The following PSG9 variants were observed in gnomAD, a reference collection of about 807,000 sequenced individuals.
PSG9 encodes pregnancy specific beta-1-glycoprotein 9.
In PSG9, 49 loss-of-function variants were observed where a neutral mutation model predicts 41.9. The ratio of observed to expected loss-of-function variants is 1.17; its 90% CI spans 0.93 to 1.48. PSG9 has a LOEUF of 1.48. Among genes scored for constraint, PSG9 ranks in the 40% most tolerant of loss-of-function variants. PSG9 has a pLI of 0.00. For missense variants in PSG9, 641 were observed against 520.3 expected (o/e 1.23, Z -2.26); for synonymous variants, 263 against 196.8 (o/e 1.34, Z -2.82).
rs772795774 is a variant in PSG9, at chr19:43,259,074, G to T, written c.771C>A (p.Val257=). Residue 257 remains valine (V), a synonymous_variant, in exon 4 of 6, where the codon GTC becomes GTA. Coordinates refer to ENST00000270077, the MANE Select transcript of PSG9 (RefSeq NM_002784.5). ...TCTTAGGTTCACAGGTGAAGGCTAAGACATCCTTATTCTCCCTGGGGTTTA... is the reference window on the plus strand; with the variant it reads ...TCTTAGGTTCACAGGTGAAGGCTAATACATCCTTATTCTCCCTGGGGTTTA... The part of the protein sequence containing the change: ...NNLNPRENKD[V]LAFTCEPKSE... 6.9e-6 allele frequency: 11 copies of T among 1,590,644 alleles called. 1 individual carries two copies. The highest frequency in any genetic ancestry group is 2.8e-5 in the African/African-American group (2 of 70,574).
chr19:43,265,382 G>A (rs1470429877), intron 2 of PSG9, among the ~76,000 whole-genome samples: 1 of 152,100 alleles, frequency 6.6e-6, no homozygotes, highest in Non-Finnish European at 1.5e-5. Context: ...TTGGTCTTTT[G>A]AGATGTTTCT....
intron 5 of PSG9, 188 bp downstream of exon 5, chr19:43,258,014 A>C (rs1063009): frequency 6.5e-7 from 1 of 1,534,346 alleles, no homozygotes; most frequent in Non-Finnish European, 8.7e-7. Context: ...GGTCAGCCAT[A>C]AGAAAACAGA....
chr19:43,258,160 C>T, intron 5 of PSG9, 42 bp downstream of exon 5: 1 of 1,592,120 alleles, frequency 6.3e-7, no homozygotes, highest in Non-Finnish European at 8.5e-7. Context: ...CAGATAGACT[C>T]CACATAAAAC....
chr19:43,258,205 A>G lies in PSG9; in HGVS notation c.1240T>C (p.Ser414Pro), dbSNP rs1358849637. The change falls in exon 5 of 6, where the codon TCT becomes CCT. Residue 414 changes from serine (S) to proline (P), a missense_variant. Ser to Pro is a moderately conservative substitution (Grantham distance 74, BLOSUM62 -1). Transcript: ENST00000270077. ...AAGGATGCTGGGATCCACTTACCAGAGACTTTGACTGTCATGGATTTGGAG... is the reference window on the plus strand; with the variant it reads ...AAGGATGCTGGGATCCACTTACCAGGGACTTTGACTGTCATGGATTTGGAG... ...EISKSMTVKV[S>P]GPCHGDLTES... 6.3e-7 allele frequency: 1 copy of G among 1,592,720 alleles called. No individual in the cohort carries two copies. The highest frequency in any genetic ancestry group is 8.5e-7 in the Non-Finnish European group (1 of 1,174,454).
At chr19:43,269,224 T>G (rs1969132066) in intron 1 of PSG9, 144 bp downstream of exon 1, 1 of 1,413,762 alleles carries the variant, frequency 7.1e-7, no homozygotes. Flanking sequence ...CGGACTGATC[T>G]TGAACTCCTG....
Position 43,267,821 on chromosome 19 carries a change from A to G in PSG9, c.393T>C (p.Thr131=). 1 of 1,613,414 alleles carries G rather than the reference A, an allele frequency of 6.2e-7. No individual in the cohort carries two copies. The highest frequency in any genetic ancestry group is 1.3e-5 in the African/African-American group (1 of 74,996). ...AGGTGAAATGTCGAATTTCTTCTCT[A>G]GTCTCATCACCTCGCTTTATGATGT... The part of the protein sequence containing the change: ...TLHIIKRGDE[T]REEIRHFTFT... The change falls in exon 2 of 6, where the codon ACT becomes ACC. Residue 131 remains threonine, a synonymous_variant. Coordinates refer to ENST00000270077, the MANE Select transcript of PSG9 (RefSeq NM_002784.5).
In PSG9 at chr19:43,262,074, C is replaced by A; in HGVS notation, c.495G>T (p.Val165=). 8 of 1,613,968 alleles carry A rather than the reference C, an allele frequency of 5.0e-6. No individual in the cohort carries two copies. Among genetic ancestry groups the A allele is most frequent in the Non-Finnish European group, 6.8e-6 (8 of 1,179,880 alleles). Residue 165 remains valine, a synonymous_variant, in exon 3 of 6, where the codon GTG becomes GTT. Coordinates refer to ENST00000270077, the MANE Select transcript of PSG9 (RefSeq NM_002784.5). The part of the protein sequence containing the change: ...NLNPREAMEA[V]RLICDPETLD... ...GAGTCTCAGGATCACAGATTAAGCG[C>A]ACAGCCTCCATGGCCTCCCTGGGGT...
In PSG9 at chr19:43,258,188, T is replaced by A. The variant is rs376881305; in HGVS notation, c.1243+14A>T. The A allele has an allele frequency of 9.2e-5, 146 of 1,592,636 alleles. 31 individuals are homozygous for A. In the East Asian group the frequency reaches 1.9e-3, roughly 20 times the overall value. On this transcript the variant is annotated intron_variant, in intron 5 of 5. Transcript: ENST00000270077. Reference sequence around the variant, plus strand: ...CATAAAACCCTACTGCCAAGGATGCTGGGATCCACTTACCAGAGACTTTGA... The same window carrying A: ...CATAAAACCCTACTGCCAAGGATGCAGGGATCCACTTACCAGAGACTTTGA...
rs943817786 is a variant in PSG9, at chr19:43,256,979, C to G, written c.1243+1223G>C. On this transcript the variant is annotated intron_variant, in intron 5 of 5. Coordinates refer to ENST00000270077, the MANE Select transcript of PSG9 (RefSeq NM_002784.5). ...GTCCATTGAAAGATAAGTGGGTAGG[C>G]AAATGAGGTGTATCTATACATTGAA... 6.8e-5 allele frequency among the ~76,000 whole-genome samples: 10 copies of G among 146,626 alleles called. 1 individual carries two copies. The highest frequency in any genetic ancestry group is 2.3e-4 in the African/African-American group (9 of 38,616).
At chr19:43,265,638 G>A (rs536659578) in intron 2 of PSG9, among the ~76,000 whole-genome samples, 4 of 152,048 alleles carry the variant, frequency 2.6e-5, no homozygotes, top group Non-Finnish European at 5.9e-5. Flanking sequence ...ATAAACATCC[G>A]TCCTCCTGTT....
intron 1 of PSG9, 34 bp from the exon 2 acceptor site, chr19:43,268,183 G>A (rs536151238): frequency 6.4e-7 from 1 of 1,563,888 alleles, no homozygotes; most frequent in Admixed American, 1.9e-5. Flanking sequence ...TTAATATTGA[G>A]ACCTATGTAT....
chr19:43,258,278 G>A lies in PSG9; in HGVS notation c.1167C>T (p.Ser389=), dbSNP rs762496081. The change falls in exon 5 of 6, where the codon AGC becomes AGT. Residue 389 remains serine (S), a synonymous_variant. Transcript: ENST00000270077. ...LFIPQITRNH[S]GLYACSVHNS... ...TATGAACAGAGCAAGCATAGAGCCC[G>A]CTATGATTTCTAGTAATTTGGGGGA... 1.0e-5 allele frequency: 16 copies of A among 1,592,638 alleles called. 2 individuals carry two copies. In the African/African-American group the frequency reaches 1.6e-4, roughly 15 times the overall value.
chr19:43,267,387 G>A (rs1568420678), intron 2 of PSG9, among the ~76,000 whole-genome samples: 2 of 152,090 alleles, frequency 1.3e-5, no homozygotes, highest in Admixed American at 6.5e-5. Context: ...TAGGGACAGG[G>A]GTCTGGGGTT....
rs1262163639 is a variant in PSG9, at chr19:43,258,280, T to C, written c.1165A>G (p.Ser389Gly). 1.9e-6 allele frequency: 3 copies of C among 1,592,864 alleles called. 1 individual carries two copies. The highest frequency in any genetic ancestry group is 2.6e-6 in the Non-Finnish European group (3 of 1,174,480). ...LFIPQITRNH[S>G]GLYACSVHNS... is the part of the protein sequence containing the mutation. ...TGAACAGAGCAAGCATAGAGCCCGC[T>C]ATGATTTCTAGTAATTTGGGGGATA... is the stretch of plus-strand genomic sequence containing the variant. The change falls in exon 5 of 6, where the codon AGC becomes GGC. Residue 389 changes from serine (S) to glycine (G), a missense_variant. Physicochemically the swap from Ser to Gly is moderately conservative, Grantham distance 56. Transcript: ENST00000270077.
In PSG9 at chr19:43,259,150, G is replaced by A. The variant is rs1356610761; in HGVS notation, c.710-15C>T. 5 of 1,588,520 alleles carry A rather than the reference G, an allele frequency of 3.1e-6. No individual in the cohort carries two copies. The highest frequency in any genetic ancestry group is 4.3e-6 in the Non-Finnish European group (5 of 1,173,056). On this transcript the variant is annotated splice_polypyrimidine_tract_variant and intron_variant, in intron 3 of 5. Transcript: ENST00000270077. ...GGGCAGCTTCGCTGTGTGGATAACA[G>A]AGAGAAGATTGTCCTGTGTGGCACC...
intron 3 of PSG9, among the ~76,000 whole-genome samples, chr19:43,261,403 A>G (rs1270042983): frequency 6.6e-6 from 1 of 152,088 alleles, no homozygotes; most frequent in Non-Finnish European, 1.5e-5. Context: ...GAGATTGGGG[A>G]ATTCCCCTGT....
chr19:43,258,337 C>T lies in PSG9; in HGVS notation c.1108G>A (p.Gly370Arg), dbSNP rs1249064717. 1.3e-6 allele frequency: 2 copies of T among 1,592,850 alleles called. No homozygotes were observed. Among genetic ancestry groups the T allele is most frequent in the Non-Finnish European group, 1.7e-6 (2 of 1,174,576 alleles). Residue 370 changes from glycine (G) to arginine (R), a missense_variant, in exon 5 of 6, where the codon GGG becomes AGG. Gly to Arg is a moderately radical substitution (Grantham distance 125, BLOSUM62 -2). Transcript: ENST00000270077. ...PPAEYFWTINGKFQQSGQKLF... is the reference protein window; with the variant it reads ...PPAEYFWTINRKFQQSGQKLF... ...TTTTGTCCTGATTGCTGAAACTTCC[C>T]ATTAATTGTCCAAAAATACTCTGCC...
At chr19:43,257,697 G>T (rs58027867) in intron 5 of PSG9, 1 of 1,111,010 alleles carries the variant, frequency 9.0e-7, no homozygotes, top group Non-Finnish European at 1.1e-6. Flanking sequence ...GTGAGGCAGG[G>T]CCAGTCACCA....
intron 5 of PSG9, among the ~76,000 whole-genome samples, chr19:43,255,076 A>G (rs1968397340): frequency 7.2e-6 from 1 of 138,872 alleles, no homozygotes; most frequent in Non-Finnish European, 1.5e-5. Context: ...GGGCTGGCCT[A>G]CAGAGTGAGA....
Sources: gnomAD v4.1 joint callset for allele counts (sites outside exome capture counted in the v4.1 genomes callset) on GRCh38, gnomAD v4.1.1 for gene constraint, MANE v1.5 for transcripts, NCBI Gene and HGNC (gene_info 2026-07-23, HGNC 2026-07-21) for gene names.